The following DDX50 variants were observed in gnomAD, a reference collection of about 807,000 sequenced individuals.
DDX50 encodes ATP-dependent RNA helicase DDX50.
DDX50 carries 56 observed loss-of-function variants against 94.8 expected under a neutral mutation model. That is an observed-to-expected ratio of 0.59 (90% CI 0.48 to 0.74). The LOEUF (loss-of-function observed/expected upper bound fraction) is 0.74, where lower values mean the gene tolerates loss of function less well. Ranked by LOEUF, DDX50 falls within the 30% of genes least tolerant of loss-of-function variation. The pLI, the probability that DDX50 is intolerant of heterozygous loss-of-function variation, is 0.00. For missense variants in DDX50, 713 were observed against 881.2 expected, an observed-to-expected ratio of 0.81 and a Z score of 2.42; for synonymous variants, 264 against 295.4, an observed-to-expected ratio of 0.89 and a Z score of 1.09.
Position 68,946,732 on chromosome 10 carries a change from C to T in DDX50, c.*102C>T. 1 of 1,416,144 alleles carries T rather than the reference C, an allele frequency of 7.1e-7. No homozygotes were observed. The highest frequency in any genetic ancestry group is 9.5e-7 in the Non-Finnish European group (1 of 1,054,712). The allele number at this position is 1,416,144 out of a possible 1,614,324, so 87.7% of individuals were successfully genotyped here. Reference sequence around the variant, plus strand: ...TCATCATAGTTGAGGTATGTGTCTGCTATTTGCAAAGAAGTTGGTCGTATT... The same window carrying T: ...TCATCATAGTTGAGGTATGTGTCTGTTATTTGCAAAGAAGTTGGTCGTATT... On this transcript the variant is annotated 3_prime_UTR_variant, in exon 15 of 15. Transcript: ENST00000373585.
chr10:68,904,430 G>T (rs549037707), intron 1 of DDX50, among the ~76,000 whole-genome samples: 107 of 152,290 alleles, frequency 7.0e-4, no homozygotes, highest in African/African-American at 2.3e-3. Flanking sequence ...GGTGAGGAAG[G>T]GAGTCTGGAA....
chr10:68,929,251 C>CCCTTCCTTCCTT (rs748750747), intron 8 of DDX50, among the ~76,000 whole-genome samples: 7,995 of 117,730 alleles, frequency 0.068, 829 homozygotes, highest in East Asian at 0.38. Flanking sequence ...CCAGCCTGGT[C>CCCTTCCTTCCTT]CCTTCCTTCC....
intron 8 of DDX50, among the ~76,000 whole-genome samples, chr10:68,927,234 A>T (rs1842117221): frequency 6.6e-6 from 1 of 152,190 alleles, no homozygotes; most frequent in African/African-American, 2.4e-5. Context: ...TTCACTATGA[A>T]AAACTGTCCA....
intron 14 of DDX50, among the ~76,000 whole-genome samples, chr10:68,945,476 T>C (rs951594930): frequency 6.6e-6 from 1 of 152,028 alleles, no homozygotes; most frequent in African/African-American, 2.4e-5. Context: ...CCGGCTAATT[T>C]TTGTATTTCT....
Position 68,913,748 on chromosome 10 carries a change from ATTTTC to A in DDX50, c.943+175_943+179del, listed in dbSNP as rs541302570. Among the ~76,000 whole-genome samples, 4 of 152,216 alleles carry A rather than the reference ATTTTC, an allele frequency of 2.6e-5. No individual in the cohort carries two copies. The East Asian group carries it at 5.8e-4, about 22-fold the overall frequency. On this transcript the variant is annotated intron_variant, in intron 6 of 14. Coordinates refer to ENST00000373585, the MANE Select transcript of DDX50 (RefSeq NM_024045.2). Reference sequence around the variant, plus strand: ...AAAGTATGATAGCATCATTTTAACTATTTTCTTAGCTTTCTGTGCTTTATTCTATT... The same window carrying A: ...AAAGTATGATAGCATCATTTTAACTATTAGCTTTCTGTGCTTTATTCTATT...
chr10:68,927,970 A>G (rs903003465), intron 8 of DDX50, among the ~76,000 whole-genome samples: 1 of 152,164 alleles, frequency 6.6e-6, no homozygotes, highest in African/African-American at 2.4e-5. Context: ...GTAATGAGCT[A>G]TGATTTTGCC....
intron 14 of DDX50, among the ~76,000 whole-genome samples, chr10:68,944,420 A>G (rs1842618699): frequency 4.6e-5 from 7 of 152,224 alleles, no homozygotes; most frequent in Admixed American, 4.6e-4. Context: ...GTACATACTT[A>G]TATACCTACT....
intron 8 of DDX50, among the ~76,000 whole-genome samples, chr10:68,928,783 C>T (rs1157885613): frequency 6.6e-6 from 1 of 152,180 alleles, no homozygotes; most frequent in East Asian, 1.9e-4. Flanking sequence ...CCTATACCCA[C>T]TCTGTCTCCA....
intron 8 of DDX50, among the ~76,000 whole-genome samples, chr10:68,931,455 TTTTGAGATGGAA>T (rs1304325249): frequency 1.7e-5 from 1 of 60,494 alleles, no homozygotes; most frequent in Non-Finnish European, 3.4e-5. Flanking sequence ...ACAATTTTTT[TTTTGAGATGGAA>T]TTTTGCTCTG....
At chr10:68,905,668 T>C (rs1841425562) in intron 1 of DDX50, among the ~76,000 whole-genome samples, 1 of 152,192 alleles carries the variant, frequency 6.6e-6, no homozygotes, top group South Asian at 2.1e-4. Flanking sequence ...TCCCACCACT[T>C]TGGGAGGCCG....
chr10:68,941,239 C>A, intron 13 of DDX50, 45 bp downstream of exon 13: 1 of 1,594,974 alleles, frequency 6.3e-7, no homozygotes, highest in Non-Finnish European at 8.5e-7. Flanking sequence ...TCAACTACCC[C>A]AAATGTTTAC....
At chr10:68,927,713 G>C (rs948145569) in intron 8 of DDX50, among the ~76,000 whole-genome samples, 1 of 152,228 alleles carries the variant, frequency 6.6e-6, no homozygotes, top group African/African-American at 2.4e-5. Flanking sequence ...CACTTTGGGA[G>C]GCCAAGGCAG....
intron 12 of DDX50, among the ~76,000 whole-genome samples, chr10:68,938,915 T>C (rs1228351607): frequency 6.6e-6 from 1 of 152,224 alleles, no homozygotes; most frequent in Non-Finnish European, 1.5e-5. Context: ...TGAAGAGTCT[T>C]GGTCGGTTGT....
Position 68,913,225 on chromosome 10 carries a change from A to G in DDX50, c.703A>G (p.Thr235Ala), listed in dbSNP as rs1222688085. 5 of 1,613,608 alleles carry G rather than the reference A, an allele frequency of 3.1e-6. No homozygotes were observed. The East Asian group carries it at 8.9e-5, about 29-fold the overall frequency. Residue 235 changes from threonine (T) to alanine (A), a missense_variant, in exon 5 of 15, where the codon ACT (threonine) becomes GCT (alanine). Transcript: ENST00000373585. ...NQVAKDFKDI[T>A]RKLSVACFYG... is the part of the protein sequence containing the mutation. ...AGTAGCCAAAGACTTCAAAGATATA[A>G]CTAGGAAACTCAGCGTGGCGTGTTT...
Position 68,921,207 on chromosome 10 carries a change from A to T in DDX50, c.1239+1226A>T, listed in dbSNP as rs141057636. 5.2e-3 allele frequency among the ~76,000 whole-genome samples: 793 copies of T among 151,920 alleles called. 9 individuals are homozygous for T. The highest frequency in any genetic ancestry group is 0.018 in the African/African-American group (749 of 41,524). On this transcript the variant is annotated intron_variant, in intron 8 of 14. Transcript: ENST00000373585. ...CAAAAAAAAAAATAACAATACTGTTATCACATCTAAAAAATTAATATTTAG... is the reference window on the plus strand; with the variant it reads ...CAAAAAAAAAAATAACAATACTGTTTTCACATCTAAAAAATTAATATTTAG...
chr10:68,937,961 C>T (rs1842466535), intron 12 of DDX50, among the ~76,000 whole-genome samples: 1 of 152,138 alleles, frequency 6.6e-6, no homozygotes, highest in Non-Finnish European at 1.5e-5. Flanking sequence ...AACATGCATC[C>T]TCTGAGAATA....
intron 8 of DDX50, among the ~76,000 whole-genome samples, chr10:68,925,036 G>C (rs1170035857): frequency 6.8e-6 from 1 of 147,754 alleles, no homozygotes; most frequent in Non-Finnish European, 1.5e-5. Flanking sequence ...TGAATCACCT[G>C]TTCTTAGGAC....
intron 1 of DDX50, among the ~76,000 whole-genome samples, chr10:68,903,440 G>A (rs1172351872): frequency 6.6e-6 from 1 of 151,798 alleles, no homozygotes; most frequent in African/African-American, 2.4e-5. Context: ...GGCTGAGGCG[G>A]GTGGATCGTG....
rs1842542372 is a variant in DDX50, at chr10:68,941,053, C to T, written c.1756-7C>T. 6.2e-7 allele frequency: 1 copy of T among 1,601,688 alleles called. No homozygotes were observed. The highest frequency in any genetic ancestry group is 1.8e-5 in the Admixed American group (1 of 56,766). On this transcript the variant is annotated splice_region_variant and splice_polypyrimidine_tract_variant and intron_variant, in intron 12 of 14. Coordinates refer to ENST00000373585, the MANE Select transcript of DDX50 (RefSeq NM_024045.2). ...TTCCAAACATAATGTGGTTTTTATT[C>T]CTTAAGGGGTTTGTGACCATGACTC...
Sources: gnomAD v4.1 joint callset for allele counts (sites outside exome capture counted in the v4.1 genomes callset) on GRCh38, gnomAD v4.1.1 for gene constraint, MANE v1.5 for transcripts, NCBI Gene and HGNC (gene_info 2026-07-23, HGNC 2026-07-21) for gene names.